The following SLC35A1 variants were observed in gnomAD, a reference collection of about 807,000 sequenced individuals.
SLC35A1 encodes the protein solute carrier family 35 member A1, also known as CMP-sialic acid transporter.
Under a neutral mutation model 40.3 loss-of-function variants are expected in SLC35A1, and 21 were observed. The ratio of observed to expected loss-of-function variants is 0.52; its 90% CI spans 0.37 to 0.75. SLC35A1 has a LOEUF of 0.75. Among genes scored for constraint, SLC35A1 ranks in the 30% least tolerant of loss-of-function variants. The probability of loss-of-function intolerance (pLI) is 0.00; values close to 1 mark genes in which losing one functional copy is unlikely to be tolerated. For synonymous variants in SLC35A1, 146 were observed against 147.3 expected (o/e 0.99, Z 0.06); for missense variants, 297 against 382.1 (o/e 0.78, Z 1.86).
intron 2 of SLC35A1, among the ~76,000 whole-genome samples, chr6:87,495,251 C>T (rs766331070): frequency 6.6e-5 from 10 of 152,168 alleles, no homozygotes; most frequent in Admixed American, 2.0e-4. Context: ...TGAGCCGCTG[C>T]GCCAGCTCAA....
rs3173204 is a variant in SLC35A1 at position 87,477,480 on chromosome 6, C to T, written c.135C>T (p.Thr45=). The T allele has an allele frequency of 6.2e-7, 1 of 1,614,050 alleles. No individual in the cohort carries two copies. Among genetic ancestry groups the T allele is most frequent in the Non-Finnish European group, 8.5e-7 (1 of 1,179,954 alleles). ...RTSDKELYFS[T]TAVCITEVIK... ...CAGACAAAGAACTCTACTTTTCAACCACAGCCGTGTGTATCACAGAAGTTA... is the reference window on the plus strand; with the variant it reads ...CAGACAAAGAACTCTACTTTTCAACTACAGCCGTGTGTATCACAGAAGTTA... Residue 45 remains threonine (T), a synonymous_variant, in exon 2 of 8, where the codon ACC becomes ACT. Transcript: ENST00000369552.
rs544208370 is a variant in SLC35A1, at chr6:87,482,244, CT to C, written c.194+4706del. Among the ~76,000 whole-genome samples, 544 of 131,926 alleles carry C rather than the reference CT, an allele frequency of 4.1e-3. 2 individuals carry two copies. Among genetic ancestry groups the C allele is most frequent in the African/African-American group, 0.014 (507 of 35,880 alleles). 86.5% of individuals were successfully genotyped at this position (131,926 alleles called of 152,430 possible). ...TCTTTTTATATAAATTCTCCCCCCC[CT>C]CCTTTTTTTTCCCCCAAGATGATAA... On this transcript the variant is annotated intron_variant, in intron 2 of 7. Coordinates refer to ENST00000369552, the MANE Select transcript of SLC35A1 (RefSeq NM_006416.5).
intron 2 of SLC35A1, among the ~76,000 whole-genome samples, chr6:87,478,495 G>T (rs139237831): frequency 6.5e-4 from 99 of 152,308 alleles, no homozygotes; most frequent in African/African-American, 2.3e-3. Context: ...GGGAAGCAGG[G>T]AGGAATAGTG....
At chr6:87,504,623 CTG>C (rs1302749689) in intron 4 of SLC35A1, among the ~76,000 whole-genome samples, 2 of 152,156 alleles carry the variant, frequency 1.3e-5, no homozygotes, top group African/African-American at 2.4e-5. Context: ...CTTAACTGTG[CTG>C]TGTTTGGCTC....
At chr6:87,506,518 C>G (rs1356563706) in intron 5 of SLC35A1, 70 bp downstream of exon 5, 6 of 1,182,212 alleles carry the variant, frequency 5.1e-6, no homozygotes, top group East Asian at 4.7e-5. Flanking sequence ...AGACACCAGT[C>G]TAGTTTATCT....
At chr6:87,494,582 C>T in intron 2 of SLC35A1, among the ~76,000 whole-genome samples, 1 of 151,910 alleles carries the variant, frequency 6.6e-6, no homozygotes, top group East Asian at 1.9e-4. Flanking sequence ...GCCACCACGC[C>T]TGGCTATTTT....
intron 2 of SLC35A1, among the ~76,000 whole-genome samples, chr6:87,498,389 A>C (rs1385146797): frequency 6.6e-6 from 1 of 152,194 alleles, no homozygotes; most frequent in Non-Finnish European, 1.5e-5. Context: ...TATTAAGGTG[A>C]TTATTTTACA....
intron 2 of SLC35A1, among the ~76,000 whole-genome samples, chr6:87,494,452 T>C (rs1409774810): frequency 6.7e-6 from 1 of 149,540 alleles, no homozygotes. Context: ...AGACAGAGTC[T>C]CGCTCTGTTG....
intron 2 of SLC35A1, among the ~76,000 whole-genome samples, chr6:87,492,089 C>T (rs1287811472): frequency 2.0e-5 from 3 of 151,896 alleles, no homozygotes; most frequent in South Asian, 2.1e-4. Context: ...CTTCTTTGTC[C>T]CTAACGTTCT....
At chr6:87,490,675 G>A (rs1321634715) in intron 2 of SLC35A1, among the ~76,000 whole-genome samples, 1 of 152,142 alleles carries the variant, frequency 6.6e-6, no homozygotes, top group African/African-American at 2.4e-5. Flanking sequence ...TGCATATGTT[G>A]CTGTGGTCTC....
At chr6:87,491,160 A>T (rs770952930) in intron 2 of SLC35A1, among the ~76,000 whole-genome samples, 4 of 152,204 alleles carry the variant, frequency 2.6e-5, no homozygotes, top group Non-Finnish European at 5.9e-5. Flanking sequence ...AGGATTCTGA[A>T]ATATTTGCAT....
chr6:87,508,724 A>T, intron 6 of SLC35A1, 128 bp downstream of exon 6: 1 of 919,546 alleles, frequency 1.1e-6, no homozygotes, highest in African/African-American at 1.7e-5. Flanking sequence ...TTTGAATATA[A>T]TTTTCATTTT....
intron 1 of SLC35A1, among the ~76,000 whole-genome samples, chr6:87,475,362 CCTTCT>C (rs1769038075): frequency 6.6e-6 from 1 of 152,154 alleles, no homozygotes; most frequent in African/African-American, 2.4e-5. Context: ...ATGGGAAGTG[CCTTCT>C]CTTCTACTGA....
chr6:87,499,184 A>G, intron 2 of SLC35A1: 3 of 903,718 alleles, frequency 3.3e-6, no homozygotes, highest in Non-Finnish European at 4.0e-6. Context: ...AATTTAATAT[A>G]ATGGACTTTT....
chr6:87,479,460 G>A (rs924846231), intron 2 of SLC35A1, among the ~76,000 whole-genome samples: 1 of 152,078 alleles, frequency 6.6e-6, no homozygotes, highest in African/African-American at 2.4e-5. Flanking sequence ...TCCATTTACC[G>A]AACCACTTTT....
chr6:87,500,811 G>T, intron 3 of SLC35A1, 144 bp downstream of exon 3: 5 of 813,842 alleles, frequency 6.1e-6, no homozygotes, highest in Non-Finnish European at 9.6e-6. Flanking sequence ...GCAGTGACGT[G>T]ATCTCAGCTC....
At chr6:87,491,246 T>C (rs1769544004) in intron 2 of SLC35A1, among the ~76,000 whole-genome samples, 1 of 152,232 alleles carries the variant, frequency 6.6e-6, no homozygotes, top group Non-Finnish European at 1.5e-5. Context: ...TTCCTTTGAA[T>C]GTCATGTTGG....
chr6:87,509,328 A>C (rs1386285949), intron 7 of SLC35A1, among the ~76,000 whole-genome samples, 153 bp downstream of exon 7: 1 of 152,126 alleles, frequency 6.6e-6, no homozygotes, highest in East Asian at 1.9e-4. Context: ...ACAGCTGTTC[A>C]TAGTTGTGTG....
chr6:87,479,771 T>C (rs1400081155), intron 2 of SLC35A1, among the ~76,000 whole-genome samples: 1 of 152,228 alleles, frequency 6.6e-6, no homozygotes, highest in East Asian at 1.9e-4. Flanking sequence ...ATGTAGTTTA[T>C]CCAATCTATG....
Sources: gnomAD v4.1 joint callset for allele counts (sites outside exome capture counted in the v4.1 genomes callset) on GRCh38, gnomAD v4.1.1 for gene constraint, MANE v1.5 for transcripts, NCBI Gene and HGNC (gene_info 2026-07-23, HGNC 2026-07-21) for gene names.